The following IPO5 variants were observed in gnomAD, a reference collection of about 807,000 sequenced individuals.
IPO5 encodes importin 5.
In IPO5, 18 loss-of-function variants were observed where a neutral mutation model predicts 143.3. The observed-to-expected ratio is 0.13, with a 90% CI of 0.09 to 0.19. The LOEUF (loss-of-function observed/expected upper bound fraction) is 0.19, where lower values mean the gene tolerates loss of function less well. IPO5 is among the 10% of genes least tolerant of loss of function. IPO5 has a pLI of 1.00. For missense variants in IPO5, 1,013 were observed against 1,336.9 expected, an observed-to-expected ratio of 0.76 and a Z score of 3.78; for synonymous variants, 477 against 465.7, an observed-to-expected ratio of 1.02 and a Z score of -0.31.
chr13:97,968,077 C>A (rs1216970457), intron 2 of IPO5, among the ~76,000 whole-genome samples: 1 of 152,170 alleles, frequency 6.6e-6, no homozygotes, highest in Non-Finnish European at 1.5e-5. Flanking sequence ...CCCACCTCAG[C>A]CTTCCAAAGC....
chr13:97,985,677 T>TTA, intron 6 of IPO5, 64 bp downstream of exon 6: 4 of 1,065,238 alleles, frequency 3.8e-6, no homozygotes, highest in South Asian at 1.4e-5. Flanking sequence ...TTTTTTTTTT[T>TTA]AATGGAATCT....
chr13:98,020,882 T>C (rs776786258), intron 27 of IPO5, 110 bp from the exon 28 acceptor site: 4 of 777,772 alleles, frequency 5.1e-6, no homozygotes, highest in Non-Finnish European at 8.4e-6. Context: ...ATATATAAGA[T>C]TGGCTGGTTT....
chr13:97,953,858 C>G (rs1402846009), intron 1 of IPO5, 142 bp downstream of exon 1: 1 of 453,282 alleles, frequency 2.2e-6, no homozygotes, highest in Admixed American at 2.4e-5. Flanking sequence ...CCTGACGTCA[C>G]CACAGTCATA....
chr13:98,003,425 G>A (rs1316073493), intron 16 of IPO5, among the ~76,000 whole-genome samples: 1 of 152,144 alleles, frequency 6.6e-6, no homozygotes, highest in Non-Finnish European at 1.5e-5. Flanking sequence ...ACACAAAAAA[G>A]GGAGAAGATT....
intron 21 of IPO5, among the ~76,000 whole-genome samples, chr13:98,012,861 G>T (rs1316637007): frequency 2.1e-5 from 3 of 143,412 alleles, no homozygotes; most frequent in African/African-American, 7.8e-5. Context: ...GCCCAGGCTG[G>T]TCTCAAACTC....
At chr13:97,994,073 G>C (rs910965990) in intron 11 of IPO5, among the ~76,000 whole-genome samples, 4 of 152,204 alleles carry the variant, frequency 2.6e-5, no homozygotes, top group African/African-American at 9.6e-5. Flanking sequence ...TTGGGAGGCC[G>C]AGGCGGGCAG....
chr13:97,978,053 C>A (rs541933305), intron 4 of IPO5, among the ~76,000 whole-genome samples: 56 of 152,242 alleles, frequency 3.7e-4, no homozygotes, highest in African/African-American at 1.3e-3. Flanking sequence ...GTGAAGTAAA[C>A]ACACCCAAAA....
intron 12 of IPO5, among the ~76,000 whole-genome samples, chr13:97,998,049 C>T (rs1777027408): frequency 6.6e-6 from 1 of 152,228 alleles, no homozygotes; most frequent in African/African-American, 2.4e-5. Flanking sequence ...GATCTCGGCT[C>T]ACCGCAAGCT....
chr13:97,976,797 TCGCCGCCCCAGTCTTCGCGCCCTGGC>T lies in IPO5; in HGVS notation c.90+14_90+39del. On this transcript the variant is annotated intron_variant, in intron 4 of 28. Transcript: ENST00000651721. ...CGGAAACAGGCAGAGGTAACCGAGT[TCGCCGCCCCAGTCTTCGCGCCCTGGC>T]CGGCGCGCCGACCCTTTACCGACGC... 1 of 1,287,110 alleles carries T rather than the reference TCGCCGCCCCAGTCTTCGCGCCCTGGC, an allele frequency of 7.8e-7. No individual in the cohort carries two copies. The highest frequency in any genetic ancestry group is 1.0e-6 in the Non-Finnish European group (1 of 964,418). 79.7% of individuals were successfully genotyped at this position (1,287,110 alleles called of 1,614,324 possible). A position where few individuals can be genotyped will look rare whatever the true frequency, so the allele number is the denominator to read the frequency against.
At chr13:97,993,043 GTT>G (rs1887933139) in intron 10 of IPO5, 29 bp downstream of exon 10, 2 of 1,611,270 alleles carry the variant, frequency 1.2e-6, no homozygotes, top group African/African-American at 2.7e-5. Context: ...TAAACGTTCT[GTT>G]TGTTATTTTC....
chr13:97,995,925 A>G (rs1157923981), intron 11 of IPO5, among the ~76,000 whole-genome samples: 1 of 152,226 alleles, frequency 6.6e-6, no homozygotes, highest in Non-Finnish European at 1.5e-5. Context: ...CATTGATGTA[A>G]ACATTGCCAA....
At chr13:97,982,671 G>A in intron 5 of IPO5, 88 bp downstream of exon 5, 1 of 865,824 alleles carries the variant, frequency 1.2e-6, no homozygotes, top group South Asian at 1.5e-5. Context: ...AATGAGAATT[G>A]TGATTAACCA....
chr13:98,015,425 A>T (rs971988347), intron 22 of IPO5, 105 bp from the exon 23 acceptor site: 2 of 674,960 alleles, frequency 3.0e-6, no homozygotes, highest in African/African-American at 1.8e-5. Flanking sequence ...ATCTTCCAGG[A>T]TACTGAACTG....
chr13:97,998,245 G>A (rs951683987), intron 12 of IPO5, among the ~76,000 whole-genome samples: 2 of 152,194 alleles, frequency 1.3e-5, no homozygotes, highest in African/African-American at 4.8e-5. Context: ...AAAGTGCTGG[G>A]ATTACAGGCG....
intron 23 of IPO5, 39 bp from the exon 24 acceptor site, chr13:98,015,687 T>C: frequency 6.3e-7 from 1 of 1,586,392 alleles, no homozygotes; most frequent in Non-Finnish European, 8.6e-7. Context: ...CTTGACCATC[T>C]TGGCAATCAT....
At chr13:97,963,215 G>C (rs1885034351) in intron 2 of IPO5, 1 of 152,138 alleles carries the variant, frequency 6.6e-6, no homozygotes, top group South Asian at 2.1e-4. Context: ...GGCTCCAACA[G>C]CCTAGCCAAG....
rs1884875360 is a variant in IPO5, at chr13:97,961,457, G to A, written c.-113+7259G>A. On this transcript the variant is annotated intron_variant, in intron 2 of 28. Transcript: ENST00000651721. Reference sequence around the variant, plus strand: ...AGTGATTCTCATGCCTCAGCCTCTCGAGTAACTGGAATTACAGGCATGCGT... The same window carrying A: ...AGTGATTCTCATGCCTCAGCCTCTCAAGTAACTGGAATTACAGGCATGCGT... Among the ~76,000 whole-genome samples the A allele has an allele frequency of 1.3e-5, 2 of 152,094 alleles. 1 individual carries two copies. Among genetic ancestry groups the A allele is most frequent in the Admixed American group, 1.3e-4 (2 of 15,268 alleles).
At chr13:98,016,642 T>G in intron 24 of IPO5, 87 bp from the exon 25 acceptor site, 1 of 705,688 alleles carries the variant, frequency 1.4e-6, no homozygotes, top group Non-Finnish European at 2.1e-6. Context: ...TTTTCTGCAT[T>G]TTTTAAGGTT....
At chr13:97,982,072 C>T (rs1886892817) in intron 4 of IPO5, 2 of 158,476 alleles carry the variant, frequency 1.3e-5, no homozygotes, top group Non-Finnish European at 2.8e-5. Flanking sequence ...TCTGGTGGTT[C>T]TAAGCAGTGG....
Sources: gnomAD v4.1 joint callset for allele counts (sites outside exome capture counted in the v4.1 genomes callset) on GRCh38, gnomAD v4.1.1 for gene constraint, MANE v1.5 for transcripts, NCBI Gene and HGNC (gene_info 2026-07-23, HGNC 2026-07-21) for gene names.